PHF20: variants seen among roughly 807,000 people sequenced by gnomAD.
PHF20 encodes glioma-expressed antigen 2.
A neutral mutation model predicts 113.5 loss-of-function variants in PHF20; 23 were observed. The ratio of observed to expected loss-of-function variants is 0.20; its 90% CI spans 0.15 to 0.29. The LOEUF is 0.29. Ranked by LOEUF, PHF20 falls within the 10% of genes least tolerant of loss-of-function variation. The pLI, the probability that PHF20 is intolerant of heterozygous loss-of-function variation, is 1.00. For missense variants in PHF20, 943 were observed against 1,219.6 expected, an observed-to-expected ratio of 0.77 and a Z score of 3.38; for synonymous variants, 434 against 457.3, an observed-to-expected ratio of 0.95 and a Z score of 0.65.
chr20:35,896,081 A>ATGTGTG (rs10633976), intron 9 of PHF20, among the ~76,000 whole-genome samples: 4,701 of 143,182 alleles, frequency 0.033, 180 homozygotes, highest in African/African-American at 0.099. Flanking sequence ...ATGCTTTGGG[A>ATGTGTG]TGTGTGTGTG....
At position 35,869,502 on chromosome 20, in the gene PHF20, A is replaced by C; in HGVS notation, c.873A>C (p.Ser291=). ...TGGAACTGAGAAGAAGGAAAATATC[A>C]AAAGGATGTGAAGTCCCATTAAAAC... The part of the protein sequence containing the change: ...ITLELRRRKI[S]KGCEVPLKRP... The change falls in exon 7 of 18, where the codon TCA becomes TCC. Residue 291 remains serine (S), a synonymous_variant. Transcript: ENST00000374012. 6.2e-7 allele frequency: 1 copy of C among 1,612,176 alleles called. No homozygotes were observed.
At chr20:35,877,239 G>A (rs1037981285) in intron 9 of PHF20, among the ~76,000 whole-genome samples, 3 of 125,282 alleles carry the variant, frequency 2.4e-5, no homozygotes, top group Non-Finnish European at 3.2e-5. Context: ...GCAGTTTGCC[G>A]AGATCGTGCC....
intron 5 of PHF20, 143 bp from the exon 6 acceptor site, chr20:35,862,870 G>A (rs1015056394): frequency 1.7e-5 from 12 of 704,360 alleles, no homozygotes; most frequent in East Asian, 1.3e-4. Context: ...ACAGGTGGCT[G>A]TTGTCAGTGG....
At position 35,847,495 on chromosome 20, in the gene PHF20, G is replaced by T. The variant is rs1051580175; in HGVS notation, c.340+61G>T. 11 of 1,012,168 alleles carry T rather than the reference G, an allele frequency of 1.1e-5. No homozygotes were observed. In the African/African-American group the frequency reaches 1.7e-4, roughly 16 times the overall value. 62.7% of individuals were successfully genotyped at this position (1,012,168 alleles called of 1,614,324 possible). A position where few individuals can be genotyped will look rare whatever the true frequency, so the allele number is the denominator to read the frequency against. On this transcript the variant is annotated intron_variant, in intron 4 of 17. Transcript: ENST00000374012. ...ACTTAGGTGGTGGGGGGGGATGTTT[G>T]TAATATCAGAGCTTGATAGTATATT...
intron 9 of PHF20, among the ~76,000 whole-genome samples, chr20:35,889,518 C>T (rs1013769835): frequency 4.0e-5 from 6 of 151,518 alleles, no homozygotes; most frequent in South Asian, 2.1e-4. Context: ...CGCACCACCA[C>T]GCCCGGATAA....
intron 2 of PHF20, among the ~76,000 whole-genome samples, chr20:35,831,718 G>C (rs569030672): frequency 6.6e-6 from 1 of 152,298 alleles, no homozygotes; most frequent in East Asian, 1.9e-4. Context: ...TGGGATTACA[G>C]GTATGGGCCA....
At chr20:35,824,780 C>G (rs2042233621) in intron 2 of PHF20, among the ~76,000 whole-genome samples, 1 of 152,160 alleles carries the variant, frequency 6.6e-6, no homozygotes, top group Non-Finnish European at 1.5e-5. Flanking sequence ...CTGCCCTTCC[C>G]AGCCTAGGCA....
chr20:35,775,110 C>G (rs138225266), intron 1 of PHF20: 1 of 152,012 alleles, frequency 6.6e-6, no homozygotes, highest in Non-Finnish European at 1.5e-5. Context: ...TGTGTACTGC[C>G]GTACAGTGCA....
At chr20:35,820,117 G>T (rs1256790525) in intron 2 of PHF20, among the ~76,000 whole-genome samples, 1 of 152,136 alleles carries the variant, frequency 6.6e-6, no homozygotes, top group Admixed American at 6.6e-5. Context: ...TGATCCCCAC[G>T]CATGTGTTCA....
chr20:35,835,534 G>A (rs1433378624), intron 2 of PHF20, among the ~76,000 whole-genome samples: 1 of 152,192 alleles, frequency 6.6e-6, no homozygotes, highest in African/African-American at 2.4e-5. Context: ...GGAACACCAA[G>A]TAGAGACTTA....
intron 15 of PHF20, among the ~76,000 whole-genome samples, chr20:35,936,564 A>T (rs1365236170): frequency 1.3e-5 from 2 of 152,214 alleles, no homozygotes; most frequent in African/African-American, 4.8e-5. Flanking sequence ...AAGGATAAGA[A>T]TCCCTGTTCT....
At position 35,780,737 on chromosome 20, in the gene PHF20, G is replaced by A. The variant is rs140617312; in HGVS notation, c.-33+8658G>A. Among the ~76,000 whole-genome samples the A allele has an allele frequency of 9.6e-3, 1,449 of 150,550 alleles. 15 individuals are homozygous for A. Among genetic ancestry groups the A allele is most frequent in the East Asian group, 0.04 (204 of 5,090 alleles). ...AATCTTTTATATTTTTAGTAGAGAC[G>A]GGGTTTCACCATGTTGCCCAGGCTG... On this transcript the variant is annotated intron_variant, in intron 1 of 17. Coordinates refer to ENST00000374012, the MANE Select transcript of PHF20 (RefSeq NM_016436.5).
At chr20:35,802,503 T>G (rs1481093943) in intron 2 of PHF20, among the ~76,000 whole-genome samples, 2 of 152,060 alleles carry the variant, frequency 1.3e-5, no homozygotes, top group African/African-American at 4.8e-5. Flanking sequence ...CTAATTCCTT[T>G]TTGAGCTAAA....
intron 1 of PHF20, among the ~76,000 whole-genome samples, chr20:35,776,015 G>A (rs144285080): frequency 6.6e-6 from 1 of 152,100 alleles, no homozygotes; most frequent in African/African-American, 2.4e-5. Flanking sequence ...TTGCCATTTT[G>A]CCCAGGTTGG....
At chr20:35,875,000 G>A (rs1014786273) in intron 9 of PHF20, among the ~76,000 whole-genome samples, 1 of 151,930 alleles carries the variant, frequency 6.6e-6, no homozygotes, top group African/African-American at 2.4e-5. Flanking sequence ...CTTGGGAGGC[G>A]GAGGTGGGAG....
At chr20:35,822,131 C>T (rs1053742796) in intron 2 of PHF20, among the ~76,000 whole-genome samples, 3 of 152,124 alleles carry the variant, frequency 2.0e-5, no homozygotes, top group African/African-American at 4.8e-5. Flanking sequence ...GGGCTGAGTG[C>T]GGTGGCTCAC....
At chr20:35,844,173 C>T (rs986674212) in intron 3 of PHF20, among the ~76,000 whole-genome samples, 1 of 151,750 alleles carries the variant, frequency 6.6e-6, no homozygotes, top group Admixed American at 6.6e-5. Flanking sequence ...CTCGATCTCA[C>T]CTCACTGCAA....
chr20:35,772,409 A>C (rs920055393), intron 1 of PHF20, among the ~76,000 whole-genome samples: 6 of 152,118 alleles, frequency 3.9e-5, no homozygotes, highest in African/African-American at 1.4e-4. Context: ...GGTGCGGGTA[A>C]GCCCTAGGGC....
intron 5 of PHF20, among the ~76,000 whole-genome samples, chr20:35,859,707 G>A (rs1437625549): frequency 5.9e-5 from 9 of 151,978 alleles, no homozygotes; most frequent in African/African-American, 2.4e-5. Flanking sequence ...ACCACGCCCG[G>A]CTCATTTTTT....
Sources: allele counts gnomAD v4.1 joint callset (sites outside exome capture counted in the v4.1 genomes callset), GRCh38; gene constraint gnomAD v4.1.1; transcripts MANE v1.5; gene names NCBI Gene and HGNC (gene_info 2026-07-23, HGNC 2026-07-21).